The following WASHC2A variants were observed in gnomAD, a reference collection of about 807,000 sequenced individuals.
The protein encoded by WASHC2A is WASH complex subunit FAM21A.
WASHC2A carries 82 observed loss-of-function variants against 140.3 expected under a neutral mutation model. That is an observed-to-expected ratio of 0.58 (90% confidence interval 0.49 to 0.70). WASHC2A has a LOEUF of 0.70. WASHC2A is among the 30% of genes least tolerant of loss of function. The probability of loss-of-function intolerance (pLI) is 0.00; values close to 1 mark genes in which losing one functional copy is unlikely to be tolerated. For synonymous variants in WASHC2A, 340 were observed against 560.8 expected, an observed-to-expected ratio of 0.61 and a Z score of 5.56; for missense variants, 985 against 1,521.8, an observed-to-expected ratio of 0.65 and a Z score of 5.87.
intron 30 of WASHC2A, among the ~76,000 whole-genome samples, chr10:50,131,470 T>TA (rs1843964850): frequency 6.6e-6 from 1 of 152,174 alleles, no homozygotes. Context: ...GAGCTCCAGA[T>TA]AGACAGGGAG....
chr10:50,124,264 C>T (rs11004015), intron 23 of WASHC2A, among the ~76,000 whole-genome samples: 40,633 of 151,130 alleles, frequency 0.27, 5,921 homozygotes, highest in East Asian at 0.49. Flanking sequence ...CCACCACACC[C>T]GGCTGATCTT....
chr10:50,069,806 T>C (rs1554875630), intron 3 of WASHC2A, 95 bp downstream of exon 3: 1 of 1,308,116 alleles, frequency 7.6e-7, no homozygotes, highest in Admixed American at 2.5e-5. Flanking sequence ...TAAATTTTGG[T>C]GGAAGTGTGG....
rs782554177 is a variant in WASHC2A at position 50,087,307 on chromosome 10, C to G, written c.717C>G (p.Asp239Glu). Reference sequence around the variant, plus strand: ...ATGAAGATTTTGCCCATCATAGTGACAATGAACAAAACCGGGTAAGGCTCA... The same window carrying G: ...ATGAAGATTTTGCCCATCATAGTGAGAATGAACAAAACCGGGTAAGGCTCA... ...ESDEDFAHHS[D>E]NEQNRHTTQM... The change falls in exon 8 of 31, where the codon GAC becomes GAG. Residue 239 changes from aspartate to glutamate, a missense_variant. Transcript: ENST00000282633. 2 of 1,613,816 alleles carry G rather than the reference C, an allele frequency of 1.2e-6. No individual in the cohort carries two copies. The highest frequency in any genetic ancestry group is 1.7e-5 in the Admixed American group (1 of 60,002).
chr10:50,130,139 AC>A, intron 29 of WASHC2A, 100 bp downstream of exon 29: 1 of 1,448,528 alleles, frequency 6.9e-7, no homozygotes, highest in Non-Finnish European at 9.5e-7. Flanking sequence ...TTGCGTGCAT[AC>A]CCCATAGCCA....
At chr10:50,107,454 T>C (rs1345199877) in intron 19 of WASHC2A, among the ~76,000 whole-genome samples, 1 of 151,414 alleles carries the variant, frequency 6.6e-6, no homozygotes, top group Non-Finnish European at 1.5e-5. Context: ...AATATGATGA[T>C]ATAAAAAATC....
In WASHC2A at chr10:50,129,458, C is replaced by T. The variant is rs1843744443; in HGVS notation, c.3127C>T (p.Arg1043Cys). The T allele has an allele frequency of 4.3e-6, 7 of 1,611,936 alleles. No homozygotes were observed. The highest frequency in any genetic ancestry group is 2.2e-5 in the East Asian group (1 of 44,892). Residue 1043 changes from arginine to cysteine, a missense_variant, in exon 29 of 31, where the codon CGT becomes TGT. Coordinates refer to ENST00000282633, the MANE Select transcript of WASHC2A (RefSeq NM_001005751.3). ...GAGAGGGAAGCGTAGACCGCAGACC[C>T]GTGCAGCTAGGCGGCTGGCTGCTCA... ...KMRGKRRPQT[R>C]AARRLAAQES...
intron 14 of WASHC2A, 103 bp downstream of exon 14, chr10:50,095,310 G>T: frequency 9.5e-7 from 1 of 1,054,590 alleles, no homozygotes. Context: ...GGAAGTACCT[G>T]GGAGCTTCAA....
chr10:50,092,617 A>G (rs1840041199), intron 11 of WASHC2A, among the ~76,000 whole-genome samples: 2 of 152,036 alleles, frequency 1.3e-5, no homozygotes, highest in Admixed American at 1.3e-4. Context: ...TGATCGCGCC[A>G]CTGCATTCCA....
At chr10:50,112,938 T>C (rs1448902571) in intron 20 of WASHC2A, among the ~76,000 whole-genome samples, 1 of 150,430 alleles carries the variant, frequency 6.6e-6, no homozygotes, top group Non-Finnish European at 1.5e-5. Context: ...GCGGTTCTTT[T>C]TGGGGTCATG....
chr10:50,103,506 G>A (rs1589232194), intron 17 of WASHC2A, among the ~76,000 whole-genome samples: 2 of 152,100 alleles, frequency 1.3e-5, no homozygotes, highest in African/African-American at 4.8e-5. Context: ...CTTTCAGTGA[G>A]CCGAGATTGC....
intron 30 of WASHC2A, among the ~76,000 whole-genome samples, chr10:50,131,817 A>G (rs1382170983): frequency 6.6e-6 from 1 of 152,198 alleles, no homozygotes; most frequent in Non-Finnish European, 1.5e-5. Context: ...TTCCCGCCAC[A>G]TGGAGTGCAG....
At chr10:50,099,031 C>T (rs1405840899) in intron 16 of WASHC2A, among the ~76,000 whole-genome samples, 1 of 152,086 alleles carries the variant, frequency 6.6e-6, no homozygotes, top group Non-Finnish European at 1.5e-5. Flanking sequence ...GTGTGAATAC[C>T]TGTTCTCTCC....
rs1325190275 is a variant in WASHC2A, at chr10:50,125,111, A to C, written c.2479-2A>C. 9 of 1,611,730 alleles carry C rather than the reference A, an allele frequency of 5.6e-6. No homozygotes were observed. Among genetic ancestry groups the C allele is most frequent in the Non-Finnish European group, 7.6e-6 (9 of 1,179,864 alleles). ...ACACATGACCTTCCCTCCTGTTCCC[A>C]GGGCCGCGATCCTGATGCCCACCCC... On this transcript the variant is annotated splice_acceptor_variant, in intron 23 of 30. Transcript: ENST00000282633. LOFTEE classifies it high-confidence loss of function.
At chr10:50,092,393 C>G (rs1403283833) in intron 11 of WASHC2A, among the ~76,000 whole-genome samples, 160 bp downstream of exon 11, 6 of 152,188 alleles carry the variant, frequency 3.9e-5, no homozygotes, top group Admixed American at 1.3e-4. Context: ...CGCGGTGGCT[C>G]ACACCTGTAA....
At chr10:50,100,286 A>G (rs1277276552) in intron 17 of WASHC2A, among the ~76,000 whole-genome samples, 1 of 152,066 alleles carries the variant, frequency 6.6e-6, no homozygotes, top group Admixed American at 6.6e-5. Context: ...GTTGGAGACC[A>G]GGCTGGCCAA....
intron 3 of WASHC2A, among the ~76,000 whole-genome samples, chr10:50,070,437 CATTTGTGGAAAAAGGA>C (rs1837698673): frequency 6.6e-6 from 1 of 152,154 alleles, no homozygotes; most frequent in African/African-American, 2.4e-5. Context: ...TATCAGCATT[CATTTGTGGAAAAAGGA>C]TTATTAAAGT....
At chr10:50,095,404 T>TAA (rs1840380661) in intron 14 of WASHC2A, among the ~76,000 whole-genome samples, 195 bp from the exon 15 acceptor site, 1 of 152,220 alleles carries the variant, frequency 6.6e-6, no homozygotes, top group Non-Finnish European at 1.5e-5. Flanking sequence ...TGGACTTTTT[T>TAA]GTGTTTGAGC....
Position 50,072,978 on chromosome 10 carries a change from G to A in WASHC2A, c.291+3267G>A, listed in dbSNP as rs549362193. On this transcript the variant is annotated intron_variant, in intron 3 of 30. Transcript: ENST00000282633. ...TTGCAAACTATATTATAAAGTTAGT[G>A]AAACAATCCAGACTTTCTAGGGCGA... Among the ~76,000 whole-genome samples the A allele has an allele frequency of 1.4e-4, 22 of 152,254 alleles. No homozygotes were observed. In the East Asian group the frequency reaches 4.2e-3, roughly 29 times the overall value.
intron 2 of WASHC2A, among the ~76,000 whole-genome samples, chr10:50,069,083 G>T (rs1277217647): frequency 3.3e-5 from 5 of 151,362 alleles, no homozygotes; most frequent in Non-Finnish European, 5.9e-5. Flanking sequence ...CCACTCTTTT[G>T]ATGAGCTTTC....
Sources: gnomAD v4.1 joint callset for allele counts (sites outside exome capture counted in the v4.1 genomes callset) on GRCh38, gnomAD v4.1.1 for gene constraint, MANE v1.5 for transcripts, NCBI Gene and HGNC (gene_info 2026-07-23, HGNC 2026-07-21) for gene names.